The following GNS variants were observed in gnomAD, a reference collection of about 807,000 sequenced individuals.
GNS encodes glucosamine (N-acetyl)-6-sulfatase.
Under a neutral mutation model 69.7 loss-of-function variants are expected in GNS, and 40 were observed. The ratio of observed to expected loss-of-function variants is 0.57; its 90% CI spans 0.45 to 0.75. The LOEUF is 0.75. Among genes scored for constraint, GNS ranks in the 30% least tolerant of loss-of-function variants. The pLI is 0.00. For synonymous variants in GNS, 243 were observed against 251.6 expected, an observed-to-expected ratio of 0.97 and a Z score of 0.32; for missense variants, 565 against 685.5, an observed-to-expected ratio of 0.82 and a Z score of 1.96.
At chr12:64,719,729 C>G (rs1868965918) in intron 13 of GNS, among the ~76,000 whole-genome samples, 1 of 152,090 alleles carries the variant, frequency 6.6e-6, no homozygotes, top group African/African-American at 2.4e-5. Context: ...CCAAGTGTCA[C>G]CAATGCAAAC....
Position 64,744,921 on chromosome 12 carries a change from G to C in GNS, c.526-14C>G. 1 of 1,236,030 alleles carries C rather than the reference G, an allele frequency of 8.1e-7. No individual in the cohort carries two copies. The highest frequency in any genetic ancestry group is 1.2e-6 in the Non-Finnish European group (1 of 835,032). The allele number at this position is 1,236,030 out of a possible 1,614,324, so 76.6% of individuals were successfully genotyped here. On this transcript the variant is annotated splice_polypyrimidine_tract_variant and intron_variant, in intron 4 of 13. Coordinates refer to ENST00000258145, the MANE Select transcript of GNS (RefSeq NM_002076.4). ...AGAATTCTTTTCCTATTAAAAAGAG[G>C]AAAGTCAAATTTGTTATGAGGTCAG... is the stretch of plus-strand genomic sequence containing the variant.
chr12:64,713,570 A>G lies in GNS; in HGVS notation c.*3171T>C, dbSNP rs896206621. On this transcript the variant is annotated 3_prime_UTR_variant, in exon 14 of 14. Coordinates refer to ENST00000258145, the MANE Select transcript of GNS (RefSeq NM_002076.4). The stretch of plus-strand genomic sequence containing the variant: ...AGCAAGGGCAGAATAGGAACAGAGG[A>G]TGCAAACACAGGAAGTTACAAAATT... 1 of 152,668 alleles carries G rather than the reference A, an allele frequency of 6.6e-6. No individual in the cohort carries two copies. The highest frequency in any genetic ancestry group is 6.5e-5 in the Admixed American group (1 of 15,284). The allele number at this position is 152,668 out of a possible 1,614,324, so 9.5% of individuals were successfully genotyped here.
Position 64,720,024 on chromosome 12 carries a change from G to A in GNS, c.1578C>T (p.Pro526=), listed in dbSNP as rs753472052. The A allele has an allele frequency of 3.1e-6, 5 of 1,610,672 alleles. No individual in the cohort carries two copies. The highest frequency in any genetic ancestry group is 4.5e-5 in the East Asian group (2 of 44,874). ...AAATGAAGAGAAAGGAAACTTACCC[G>A]GGGTCAAAAACCCCTGGAGTGCGAC... ...PTCRTPGVFD[P]GYRFDPRLMF... Residue 526 remains proline, a splice_region_variant and synonymous_variant, in exon 13 of 14, where the codon CCC becomes CCT. Coordinates refer to ENST00000258145, the MANE Select transcript of GNS (RefSeq NM_002076.4).
At position 64,732,410 on chromosome 12, in the gene GNS, C is replaced by T. The variant is rs185299917; in HGVS notation, c.1099-3353G>A. Among the ~76,000 whole-genome samples the T allele has an allele frequency of 1.2e-3, 182 of 151,264 alleles. 2 individuals are homozygous for T. The highest frequency in any genetic ancestry group is 4.1e-3 in the African/African-American group (168 of 41,124). ...GCCTCGATCTCCTGACCTCGTGATC[C>T]GCCTGACTCAGCCTCCCAAAGTGCT... On this transcript the variant is annotated intron_variant, in intron 9 of 13. Coordinates refer to ENST00000258145, the MANE Select transcript of GNS (RefSeq NM_002076.4).
chr12:64,740,499 CCT>C (rs1592502541), intron 7 of GNS, 105 bp downstream of exon 7: 6 of 763,594 alleles, frequency 7.9e-6, no homozygotes, highest in Middle Eastern at 2.3e-4. Flanking sequence ...GACTTGCTTC[CCT>C]CTGTTTTTGT....
intron 9 of GNS, among the ~76,000 whole-genome samples, chr12:64,732,153 A>ATTTTTTTGTTTTTTT (rs1869413571): frequency 1.1e-5 from 1 of 88,724 alleles, no homozygotes; most frequent in Non-Finnish European, 2.1e-5. Flanking sequence ...CACCTGGCTA[A>ATTTTTTTGTTTTTTT]TTTTTTTTTT....
At chr12:64,725,680 G>GA (rs1223100317) in intron 10 of GNS, among the ~76,000 whole-genome samples, 1 of 152,090 alleles carries the variant, frequency 6.6e-6, no homozygotes, top group African/African-American at 2.4e-5. Context: ...CCCCTAGAGT[G>GA]AATCAGTTTT....
At position 64,759,316 on chromosome 12, in the gene GNS, C is replaced by G; in HGVS notation, c.-40G>C. 5 of 1,358,042 alleles carry G rather than the reference C, an allele frequency of 3.7e-6. No homozygotes were observed. The highest frequency in any genetic ancestry group is 4.9e-6 in the Non-Finnish European group (5 of 1,019,840). The allele number at this position is 1,358,042 out of a possible 1,614,324, so 84.1% of individuals were successfully genotyped here. A position where few individuals can be genotyped will look rare whatever the true frequency, so the allele number is the denominator to read the frequency against. ...GGGGTGACCCCGGGACGGGACGGGA[C>G]GGAGGGACGCACAGGTAGCTGAAGG... On this transcript the variant is annotated 5_prime_UTR_variant, in exon 1 of 14. Transcript: ENST00000258145.
chr12:64,732,184 T>TTTTTTC (rs1869421024), intron 9 of GNS, among the ~76,000 whole-genome samples: 1 of 137,964 alleles, frequency 7.2e-6, no homozygotes, highest in African/African-American at 2.7e-5. Flanking sequence ...TTTTTTTTTT[T>TTTTTTC]TGAGACGGAG....
In GNS at chr12:64,729,008, C is replaced by T. The variant is rs1485899712; in HGVS notation, c.1148G>A (p.Gly383Asp). ...DLGPTILDIA[G>D]YDLNKTQMDG... ...CATCTGTGTCTTATTTAGGTCGTAG[C>T]CAGCAATGTCCAAAATAGTAGGACC... is the stretch of plus-strand genomic sequence containing the variant. Residue 383 changes from glycine to aspartate, a missense_variant, in exon 10 of 14, where the codon GGC becomes GAC. Physicochemically the swap from Gly to Asp is moderately conservative, Grantham distance 94. This residue lies in a region of GNS where 384 missense variants were observed against 511.0 expected (regional missense o/e 0.75). Transcript: ENST00000258145. 6.2e-7 allele frequency: 1 copy of T among 1,604,660 alleles called. No homozygotes were observed. The highest frequency in any genetic ancestry group is 2.2e-5 in the East Asian group (1 of 44,824).
chr12:64,747,801 G>A lies in GNS; in HGVS notation c.370C>T (p.Gln124Ter). Residue 124 changes from glutamine (Q) to a stop codon, truncating the protein, a stop_gained, in exon 3 of 14, where the codon CAG becomes TAG. Transcript: ENST00000258145. LOFTEE classifies it high-confidence loss of function. The part of the protein sequence containing the change: ...LEGNCSSKSW[Q>*]KIQEPNTFPA... ...AAAGTATTTGGTTCTTGGATCTTCT[G>A]CCAGGACTTACTACTGCAGTTCCCC... 1 of 1,611,012 alleles carries A rather than the reference G, an allele frequency of 6.2e-7. No individual in the cohort carries two copies. The highest frequency in any genetic ancestry group is 2.2e-5 in the East Asian group (1 of 44,874).
chr12:64,739,737 G>A (rs1389579741), intron 7 of GNS, among the ~76,000 whole-genome samples: 1 of 151,682 alleles, frequency 6.6e-6, no homozygotes, highest in Non-Finnish European at 1.5e-5. Context: ...GAAAATTCCA[G>A]AACATAATTA....
At chr12:64,740,709 A>G (rs1308826280) in intron 6 of GNS, 21 bp from the exon 7 acceptor site, 1 of 1,203,916 alleles carries the variant, frequency 8.3e-7, no homozygotes, top group Non-Finnish European at 1.2e-6. Context: ...GAAGAAAAAA[A>G]ATGTTAACAC....
At chr12:64,717,483 C>G (rs563636795) in intron 13 of GNS, among the ~76,000 whole-genome samples, 1 of 151,544 alleles carries the variant, frequency 6.6e-6, no homozygotes, top group Non-Finnish European at 1.5e-5. Flanking sequence ...TCCAGAGTAG[C>G]TGGGAACACT....
intron 9 of GNS, among the ~76,000 whole-genome samples, chr12:64,731,204 G>C (rs975691867): frequency 7.2e-5 from 11 of 152,178 alleles, no homozygotes; most frequent in African/African-American, 2.7e-4. Context: ...AGCATCCAGA[G>C]CAACTGGGAC....
intron 4 of GNS, 70 bp from the exon 5 acceptor site, chr12:64,744,977 G>C: frequency 2.6e-6 from 2 of 765,896 alleles, no homozygotes; most frequent in Non-Finnish European, 4.8e-6. Flanking sequence ...ATCCGTGCTG[G>C]GCTAAACTCT....
At chr12:64,758,714 G>A (rs987269057) in intron 1 of GNS, among the ~76,000 whole-genome samples, 15 of 152,156 alleles carry the variant, frequency 9.9e-5, no homozygotes, top group African/African-American at 3.6e-4. Flanking sequence ...GACTGGACTT[G>A]TCTGTGATCC....
In GNS at chr12:64,747,989, A is replaced by G. The variant is rs12320593; in HGVS notation, c.253-71T>C. The stretch of plus-strand genomic sequence containing the variant: ...TGGACTTCTCATCATTGTTAAAGAG[A>G]GTAAAGAAAAGCTCCTTAATACTCT... On this transcript the variant is annotated intron_variant, in intron 2 of 13. Coordinates refer to ENST00000258145, the MANE Select transcript of GNS (RefSeq NM_002076.4). The G allele has an allele frequency of 0.011, 9,085 of 848,194 alleles. 79 individuals carry two copies. Among genetic ancestry groups the G allele is most frequent in the Middle Eastern group, 0.037 (140 of 3,752 alleles). 52.5% of individuals were successfully genotyped at this position (848,194 alleles called of 1,614,324 possible). A position where few individuals can be genotyped will look rare whatever the true frequency, so the allele number is the denominator to read the frequency against.
At chr12:64,734,726 C>T (rs1162480505) in intron 9 of GNS, among the ~76,000 whole-genome samples, 2 of 152,238 alleles carry the variant, frequency 1.3e-5, no homozygotes, top group African/African-American at 4.8e-5. Flanking sequence ...ACATCCACAT[C>T]TGCTCAAATG....
Sources: allele counts gnomAD v4.1 joint callset (sites outside exome capture counted in the v4.1 genomes callset), GRCh38; gene constraint gnomAD v4.1.1; regional missense constraint gnomAD v4.1.1; transcripts MANE v1.5; gene names NCBI Gene and HGNC (gene_info 2026-07-23, HGNC 2026-07-21).